Variants in GRIN2B observed in about 807,000 individuals in gnomAD.
The protein encoded by GRIN2B is glutamate ionotropic receptor NMDA type subunit 2B, also known as glutamate receptor ionotropic, NMDA 2B.
GRIN2B carries 5 observed loss-of-function variants against 114.5 expected under a neutral mutation model. The observed-to-expected ratio is 0.04, with a 90% CI of 0.02 to 0.09. GRIN2B has a LOEUF of 0.09. GRIN2B is among the 10% of genes least tolerant of loss of function. The pLI, the probability that GRIN2B is intolerant of heterozygous loss-of-function variation, is 1.00. For missense variants in GRIN2B, 1,108 were observed against 1,943.5 expected, an observed-to-expected ratio of 0.57 and a Z score of 8.08; for synonymous variants, 787 against 745.1, an observed-to-expected ratio of 1.06 and a Z score of -0.92.
At chr12:13,595,731 G>A (rs1949064461) in intron 10 of GRIN2B, among the ~76,000 whole-genome samples, 1 of 152,138 alleles carries the variant, frequency 6.6e-6, no homozygotes, top group African/African-American at 2.4e-5. Flanking sequence ...AGGCTGCATT[G>A]TTCTTCAGCA....
intron 2 of GRIN2B, among the ~76,000 whole-genome samples, chr12:13,906,655 T>C (rs895752953): frequency 6.6e-6 from 1 of 152,222 alleles, no homozygotes; most frequent in African/African-American, 2.4e-5. Context: ...CATTTTGTTA[T>C]ACACAGCACT....
rs190968586 is a variant in GRIN2B at position 13,690,475 on chromosome 12, A to G, written c.1011-14616T>C. 1.4e-3 allele frequency among the ~76,000 whole-genome samples: 214 copies of G among 152,282 alleles called. 1 individual carries two copies. Among genetic ancestry groups the G allele is most frequent in the Non-Finnish European group, 1.2e-4 (8 of 68,028 alleles). ...TTAATTTAAAAAAAGAATAAATTCT[A>G]AAGAATATATTATCTATAATCTTTC... On this transcript the variant is annotated intron_variant, in intron 4 of 13. Coordinates refer to ENST00000609686, the MANE Select transcript of GRIN2B (RefSeq NM_000834.5).
chr12:13,708,689 A>G (rs1304363940), intron 4 of GRIN2B, among the ~76,000 whole-genome samples: 1 of 152,074 alleles, frequency 6.6e-6, no homozygotes, highest in East Asian at 1.9e-4. Context: ...CCTATTACAT[A>G]CAAGAAAAAA....
chr12:13,944,102 G>T (rs1867320643), intron 2 of GRIN2B, among the ~76,000 whole-genome samples: 1 of 151,942 alleles, frequency 6.6e-6, no homozygotes, highest in Admixed American at 6.6e-5. Context: ...TATATGGATG[G>T]GCCTATTCAT....
At chr12:13,635,202 G>A (rs1949656906) in intron 5 of GRIN2B, among the ~76,000 whole-genome samples, 1 of 152,168 alleles carries the variant, frequency 6.6e-6, no homozygotes, top group South Asian at 2.1e-4. Context: ...CTGAGAGGAG[G>A]CTGAGAAACG....
intron 5 of GRIN2B, among the ~76,000 whole-genome samples, chr12:13,634,980 T>C (rs971543224): frequency 2.6e-5 from 4 of 152,220 alleles, no homozygotes; most frequent in Non-Finnish European, 5.9e-5. Context: ...GGTAACAATC[T>C]TCAAATGATG....
chr12:13,569,086 AT>A (rs776738934), intron 12 of GRIN2B, among the ~76,000 whole-genome samples: 73 of 152,294 alleles, frequency 4.8e-4, no homozygotes, highest in Non-Finnish European at 1.9e-4. Flanking sequence ...AGATGACTGG[AT>A]GAAACATCTA....
At position 13,737,686 on chromosome 12, in the gene GRIN2B, T is replaced by C. The variant is rs566794897; in HGVS notation, c.1010+15631A>G. 2.6e-5 allele frequency among the ~76,000 whole-genome samples: 4 copies of C among 152,324 alleles called. No individual in the cohort carries two copies. In the South Asian group the frequency reaches 8.3e-4, roughly 32 times the overall value. ...GATAAATGCTAGAGAGATAGGTGGA[T>C]GAGTGGAAGAAAGGGATTGAAGCCA... On this transcript the variant is annotated intron_variant, in intron 4 of 13. Coordinates refer to ENST00000609686, the MANE Select transcript of GRIN2B (RefSeq NM_000834.5).
intron 5 of GRIN2B, among the ~76,000 whole-genome samples, chr12:13,627,879 C>G (rs1367295122): frequency 6.6e-6 from 1 of 152,252 alleles, no homozygotes; most frequent in Non-Finnish European, 1.5e-5. Context: ...TGCCTTCCGT[C>G]TCCTCTTCTA....
intron 4 of GRIN2B, among the ~76,000 whole-genome samples, chr12:13,708,398 A>G (rs1011447506): frequency 2.0e-5 from 3 of 152,090 alleles, no homozygotes; most frequent in African/African-American, 4.8e-5. Flanking sequence ...CCTATGTATG[A>G]ACTCCCTTTT....
intron 4 of GRIN2B, among the ~76,000 whole-genome samples, chr12:13,723,521 C>T (rs954366109): frequency 2.0e-5 from 3 of 149,276 alleles, no homozygotes; most frequent in African/African-American, 7.3e-5. Flanking sequence ...GTGCCTCATT[C>T]TCTGCCATCA....
chr12:13,980,460 G>A (rs1863111384), intron 1 of GRIN2B, 104 bp from the exon 2 acceptor site: 1 of 152,188 alleles, frequency 6.6e-6, no homozygotes, highest in Admixed American at 6.5e-5. Flanking sequence ...GGAAAGGGGG[G>A]AGGAAACCCC....
intron 2 of GRIN2B, among the ~76,000 whole-genome samples, chr12:13,932,984 TGTGC>T (rs941619373): frequency 1.5e-5 from 2 of 129,682 alleles, no homozygotes; most frequent in African/African-American, 6.1e-5. Flanking sequence ...TGTGTGTGTG[TGTGC>T]GTGTGCGTGT....
At chr12:13,821,714 T>C (rs1864941990) in intron 3 of GRIN2B, among the ~76,000 whole-genome samples, 1 of 152,214 alleles carries the variant, frequency 6.6e-6, no homozygotes, top group Non-Finnish European at 1.5e-5. Flanking sequence ...CAATGTTCTT[T>C]TGGAGCCACA....
intron 3 of GRIN2B, among the ~76,000 whole-genome samples, chr12:13,843,470 T>TA (rs1865421206): frequency 6.6e-6 from 1 of 152,178 alleles, no homozygotes; most frequent in Admixed American, 6.6e-5. Flanking sequence ...TTCTTCAAAG[T>TA]AAAGATTAAA....
rs1421215102 is a variant in GRIN2B at position 13,556,376 on chromosome 12, T to C, written c.*6407A>G. ...TACTTATGCTTTCATATATTCTACG[T>C]GAGTACAATATACTCCATTTTGAAA... On this transcript the variant is annotated 3_prime_UTR_variant, in exon 14 of 14. Transcript: ENST00000609686. 1 of 152,204 alleles carries C rather than the reference T, an allele frequency of 6.6e-6. No individual in the cohort carries two copies. Among genetic ancestry groups the C allele is most frequent in the African/African-American group, 2.4e-5 (1 of 41,452 alleles). 9.4% of individuals were successfully genotyped at this position (152,204 alleles called of 1,614,324 possible).
rs145121933 is a variant in GRIN2B, at chr12:13,644,796, C to T, written c.1126-28139G>A. On this transcript the variant is annotated intron_variant, in intron 5 of 13. Coordinates refer to ENST00000609686, the MANE Select transcript of GRIN2B (RefSeq NM_000834.5). Reference sequence around the variant, plus strand: ...TATGAACATGGCTTCTTTCCTTAAACCTCATGAAGTAACCTCTGCTAACTT... The same window carrying T: ...TATGAACATGGCTTCTTTCCTTAAATCTCATGAAGTAACCTCTGCTAACTT... 1.6e-3 allele frequency among the ~76,000 whole-genome samples: 241 copies of T among 152,282 alleles called. 1 individual carries two copies. Among genetic ancestry groups the T allele is most frequent in the African/African-American group, 5.4e-3 (224 of 41,568 alleles).
intron 2 of GRIN2B, among the ~76,000 whole-genome samples, chr12:13,878,692 G>A (rs1448212707): frequency 2.6e-5 from 4 of 152,160 alleles, no homozygotes; most frequent in Admixed American, 2.6e-4. Context: ...CTCTCCTGAT[G>A]CTACTCCCTG....
chr12:13,816,503 T>C (rs1486887964), intron 3 of GRIN2B, among the ~76,000 whole-genome samples: 1 of 152,180 alleles, frequency 6.6e-6, no homozygotes, highest in Non-Finnish European at 1.5e-5. Context: ...TTGGATAAGA[T>C]ACCAGCAGGC....
Sources: allele counts gnomAD v4.1 joint callset (sites outside exome capture counted in the v4.1 genomes callset), GRCh38; gene constraint gnomAD v4.1.1; transcripts MANE v1.5; gene names NCBI Gene and HGNC (gene_info 2026-07-23, HGNC 2026-07-21).